The following ADAMTS3 variants were observed in gnomAD, a reference collection of about 807,000 sequenced individuals.
ADAMTS3 encodes the protein A disintegrin and metalloproteinase with thrombospondin motifs 3.
Under a neutral mutation model 129.0 loss-of-function variants are expected in ADAMTS3, and 73 were observed. The ratio of observed to expected loss-of-function variants is 0.57; its 90% CI spans 0.47 to 0.69. The LOEUF is 0.69. ADAMTS3 is among the 30% of genes least tolerant of loss of function. The probability of loss-of-function intolerance (pLI) is 0.00; values close to 1 mark genes in which losing one functional copy is unlikely to be tolerated. For missense variants in ADAMTS3, 1,457 were observed against 1,514.5 expected (o/e 0.96, Z 0.63); for synonymous variants, 477 against 510.8 (o/e 0.93, Z 0.89).
chr4:72,524,359 C>T (rs1408504708), intron 3 of ADAMTS3, among the ~76,000 whole-genome samples: 2 of 152,082 alleles, frequency 1.3e-5, no homozygotes, highest in Non-Finnish European at 2.9e-5. Context: ...TAAATACACA[C>T]ATGTTGGGAA....
chr4:72,510,756 A>T (rs1347937481), intron 3 of ADAMTS3, among the ~76,000 whole-genome samples: 3 of 151,578 alleles, frequency 2.0e-5, no homozygotes, highest in African/African-American at 7.3e-5. Flanking sequence ...GAAATAGAAA[A>T]ATCAATCCTA....
chr4:72,537,884 A>ACATG (rs1721221711), intron 3 of ADAMTS3, among the ~76,000 whole-genome samples: 1 of 152,228 alleles, frequency 6.6e-6, no homozygotes, highest in Non-Finnish European at 1.5e-5. Flanking sequence ...ATTAAGACAC[A>ACATG]CATGGAGAAA....
At chr4:72,338,397 C>G (rs1289943257) in intron 5 of ADAMTS3, among the ~76,000 whole-genome samples, 2 of 152,026 alleles carry the variant, frequency 1.3e-5, no homozygotes, top group Non-Finnish European at 2.9e-5. Flanking sequence ...GTGCCAAGAA[C>G]AAATAAAAAT....
chr4:72,517,905 T>C (rs1462361707), intron 3 of ADAMTS3, among the ~76,000 whole-genome samples: 12 of 151,282 alleles, frequency 7.9e-5, no homozygotes, highest in African/African-American at 2.9e-4. Context: ...CTCTTGCTTT[T>C]CTAGTTCTTT....
intron 3 of ADAMTS3, among the ~76,000 whole-genome samples, chr4:72,532,417 A>G (rs1721067359): frequency 6.6e-6 from 1 of 152,030 alleles, no homozygotes; most frequent in South Asian, 2.1e-4. Flanking sequence ...CAACACTCCT[A>G]TCTTGAAGAA....
chr4:72,547,576 C>A (rs1403286264), intron 3 of ADAMTS3, among the ~76,000 whole-genome samples: 1 of 152,054 alleles, frequency 6.6e-6, no homozygotes, highest in Non-Finnish European at 1.5e-5. Flanking sequence ...CCAGAATGGG[C>A]GAAATCAGCT....
At chr4:72,429,098 T>A (rs1040351512) in intron 3 of ADAMTS3, among the ~76,000 whole-genome samples, 3 of 151,998 alleles carry the variant, frequency 2.0e-5, no homozygotes, top group Admixed American at 6.6e-5. Flanking sequence ...ATGCTACAAA[T>A]AGTAGTTGCC....
In ADAMTS3 at chr4:72,352,373, T is replaced by G. The variant is rs554132216; in HGVS notation, c.662-12680A>C. On this transcript the variant is annotated intron_variant, in intron 4 of 21. Coordinates refer to ENST00000286657, the MANE Select transcript of ADAMTS3 (RefSeq NM_014243.3). ...TCAATTCATTCAGTGGTTTTAAAGA[T>G]CTAACAAATTGGTAACACAAGGAAA... is the stretch of plus-strand genomic sequence containing the variant. Among the ~76,000 whole-genome samples the G allele has an allele frequency of 1.8e-4, 28 of 151,984 alleles. 1 individual carries two copies. The highest frequency in any genetic ancestry group is 7.2e-4 in the Admixed American group (11 of 15,242).
At chr4:72,423,813 A>G (rs1016422106) in intron 3 of ADAMTS3, among the ~76,000 whole-genome samples, 8 of 152,070 alleles carry the variant, frequency 5.3e-5, no homozygotes, top group Non-Finnish European at 1.2e-4. Flanking sequence ...AACCAAAAGT[A>G]CTATCTCTCT....
chr4:72,339,003 C>T (rs1720059488), intron 5 of ADAMTS3, among the ~76,000 whole-genome samples: 1 of 152,088 alleles, frequency 6.6e-6, no homozygotes, highest in Non-Finnish European at 1.5e-5. Flanking sequence ...ATATTACCTT[C>T]AGTCTTATAA....
intron 3 of ADAMTS3, among the ~76,000 whole-genome samples, chr4:72,435,320 T>C (rs984311049): frequency 3.3e-5 from 5 of 151,786 alleles, no homozygotes; most frequent in Non-Finnish European, 5.9e-5. Context: ...TATTGATTTT[T>C]AGGGCTACAA....
chr4:72,498,006 G>T (rs890534384), intron 3 of ADAMTS3, among the ~76,000 whole-genome samples: 1 of 151,852 alleles, frequency 6.6e-6, no homozygotes, highest in Non-Finnish European at 1.5e-5. Context: ...CTGAAATTTG[G>T]CCCTTAGCTC....
chr4:72,540,921 G>A (rs1177594943), intron 3 of ADAMTS3, among the ~76,000 whole-genome samples: 1 of 152,264 alleles, frequency 6.6e-6, no homozygotes, highest in Admixed American at 6.5e-5. Context: ...TGCTAGGGCA[G>A]TGCAGAAGGG....
At chr4:72,470,352 A>C (rs13123159) in intron 3 of ADAMTS3, among the ~76,000 whole-genome samples, 140,580 of 145,822 alleles carry the variant, frequency 0.96, 68,012 homozygotes, top group East Asian at 1. Flanking sequence ...TTCTGAAATT[A>C]TTTTAAGTTT....
intron 3 of ADAMTS3, among the ~76,000 whole-genome samples, chr4:72,541,046 G>A (rs1479280505): frequency 6.6e-6 from 1 of 152,154 alleles, no homozygotes; most frequent in Non-Finnish European, 1.5e-5. Context: ...CCAACAGCTT[G>A]CACCACATGC....
At chr4:72,566,257 T>C (rs1722018071) in intron 2 of ADAMTS3, among the ~76,000 whole-genome samples, 1 of 152,164 alleles carries the variant, frequency 6.6e-6, no homozygotes, top group African/African-American at 2.4e-5. Flanking sequence ...ACAGGCTACA[T>C]ATACACACCT....
At chr4:72,381,940 A>G (rs1490626151) in intron 4 of ADAMTS3, among the ~76,000 whole-genome samples, 2 of 152,220 alleles carry the variant, frequency 1.3e-5, no homozygotes, top group Non-Finnish European at 2.9e-5. Context: ...TGTATACCAT[A>G]GGAATGCTCA....
intron 4 of ADAMTS3, among the ~76,000 whole-genome samples, chr4:72,349,117 C>T (rs1720362604): frequency 6.6e-6 from 1 of 151,924 alleles, no homozygotes; most frequent in African/African-American, 2.4e-5. Flanking sequence ...GTTCTAGTTC[C>T]AGCTCTACTA....
At chr4:72,514,644 G>C (rs965440144) in intron 3 of ADAMTS3, among the ~76,000 whole-genome samples, 8 of 152,062 alleles carry the variant, frequency 5.3e-5, no homozygotes, top group African/African-American at 1.9e-4. Context: ...CTACCGACTG[G>C]ATGGTAAACT....
Sources: gnomAD v4.1 joint callset for allele counts (sites outside exome capture counted in the v4.1 genomes callset) on GRCh38, gnomAD v4.1.1 for gene constraint, MANE v1.5 for transcripts, NCBI Gene and HGNC (gene_info 2026-07-23, HGNC 2026-07-21) for gene names.